The following CECR2 variants were observed in gnomAD, a reference collection of about 807,000 sequenced individuals.
CECR2 encodes the protein chromatin remodeling regulator CECR2.
In CECR2, 30 loss-of-function variants were observed where a neutral mutation model predicts 154.5. The ratio of observed to expected loss-of-function variants is 0.19; its 90% CI spans 0.15 to 0.26. The LOEUF is 0.26. Ranked by LOEUF, CECR2 falls within the 10% of genes least tolerant of loss-of-function variation. CECR2 has a pLI of 1.00. For missense variants in CECR2, 1,743 were observed against 1,829.3 expected (o/e 0.95, Z 0.86); for synonymous variants, 725 against 683.7 (o/e 1.06, Z -0.94).
chr22:17,465,293 G>A (rs1381825619), intron 1 of CECR2, among the ~76,000 whole-genome samples: 1 of 151,800 alleles, frequency 6.6e-6, no homozygotes, highest in Non-Finnish European at 1.5e-5. Flanking sequence ...ACTGCACCTG[G>A]CCAAATATTT....
chr22:17,442,054 T>G (rs563356142), intron 1 of CECR2, among the ~76,000 whole-genome samples: 45 of 152,344 alleles, frequency 3.0e-4, no homozygotes, highest in African/African-American at 1.0e-3. Flanking sequence ...AACTCTGGTC[T>G]CTTTGAAATT....
At chr22:17,477,474 T>C in intron 1 of CECR2, 114 bp from the exon 2 acceptor site, 3 of 720,290 alleles carry the variant, frequency 4.2e-6, no homozygotes, top group Admixed American at 2.1e-5. Context: ...CTCTGGCAAG[T>C]CCTTCCGCTG....
chr22:17,479,864 T>C (rs1195632450), intron 2 of CECR2, among the ~76,000 whole-genome samples: 2 of 150,066 alleles, frequency 1.3e-5, no homozygotes, highest in African/African-American at 4.9e-5. Flanking sequence ...ACCTGGGCTC[T>C]AGCAGTCTTC....
Position 17,495,059 on chromosome 22 carries a change from C to T in CECR2, c.222-2344C>T, listed in dbSNP as rs894097641. 2.6e-5 allele frequency among the ~76,000 whole-genome samples: 4 copies of T among 152,304 alleles called. No individual in the cohort carries two copies. In the East Asian group the frequency reaches 5.8e-4, roughly 22 times the overall value. Reference sequence around the variant, plus strand: ...TCCACAAATATTTCCTTTCACTTTGCTGCAAATATAACTACCATAGATTAT... The same window carrying T: ...TCCACAAATATTTCCTTTCACTTTGTTGCAAATATAACTACCATAGATTAT... On this transcript the variant is annotated intron_variant, in intron 2 of 18. Transcript: ENST00000262608.
chr22:17,397,600 C>A (rs187194525), intron 1 of CECR2, among the ~76,000 whole-genome samples: 46 of 151,868 alleles, frequency 3.0e-4, no homozygotes, highest in African/African-American at 1.1e-3. Flanking sequence ...CGGGTTCACC[C>A]CATTCTCCTG....
intron 7 of CECR2, among the ~76,000 whole-genome samples, chr22:17,510,469 A>AAC (rs201328513): frequency 7.1e-6 from 1 of 141,482 alleles, no homozygotes; most frequent in South Asian, 2.6e-4. Flanking sequence ...GAACCTATGA[A>AAC]AAAAAAAAAG....
intron 1 of CECR2, among the ~76,000 whole-genome samples, chr22:17,396,447 G>A (rs1188981437): frequency 6.6e-6 from 1 of 152,212 alleles, no homozygotes; most frequent in Non-Finnish European, 1.5e-5. Context: ...TTGGGAGGCT[G>A]AGGCAGGGAG....
chr22:17,548,695 T>C lies in CECR2; in HGVS notation c.3408T>C (p.Ser1136=). ...YPNSAAHYHI[S]PGLQGVGPVM... is the part of the protein sequence containing the mutation. ...ATTCAGCTGCCCATTACCACATCAGTCCAGGCCTGCAGGGTGTGGGCCCTG... is the reference window on the plus strand; with the variant it reads ...ATTCAGCTGCCCATTACCACATCAGCCCAGGCCTGCAGGGTGTGGGCCCTG... The change falls in exon 17 of 19, where the codon AGT becomes AGC. Residue 1136 remains serine (S), a synonymous_variant. Transcript: ENST00000262608. 6.2e-7 allele frequency: 1 copy of C among 1,613,490 alleles called. No individual in the cohort carries two copies. The highest frequency in any genetic ancestry group is 8.5e-7 in the Non-Finnish European group (1 of 1,179,738).
At chr22:17,496,877 G>T (rs532706382) in intron 2 of CECR2, among the ~76,000 whole-genome samples, 2 of 152,214 alleles carry the variant, frequency 1.3e-5, no homozygotes, top group South Asian at 4.1e-4. Context: ...CCTATTCTGT[G>T]AAAAACCCTC....
At chr22:17,447,238 C>T (rs1032106746) in intron 1 of CECR2, among the ~76,000 whole-genome samples, 1 of 151,238 alleles carries the variant, frequency 6.6e-6, no homozygotes, top group Admixed American at 6.6e-5. Flanking sequence ...CTGCAAGCTC[C>T]GCCTCCTGGG....
upstream of CECR2, among the ~76,000 whole-genome samples, chr22:17,365,838 C>T (rs888308872): frequency 2.7e-5 from 4 of 148,812 alleles, no homozygotes; most frequent in Non-Finnish European, 1.5e-5. Context: ...GCAGCCTGGA[C>T]AACAAAGGGA....
Position 17,548,907 on chromosome 22 carries a change from A to C in CECR2, c.3620A>C (p.Gln1207Pro). The change falls in exon 17 of 19, where the codon CAG becomes CCG. Residue 1207 changes from glutamine to proline, a missense_variant. Gln to Pro is a moderately conservative substitution (Grantham distance 76). This residue lies in a region of CECR2 where 1,250 missense variants were observed against 1,192.1 expected (regional missense o/e 1.05). Transcript: ENST00000262608. ...CGAACTCCTTACTATGCCTGTCCAC[A>C]GAGCTTTTCTGACTGGCAGAGACCT... ...YQRTPYYACPQSFSDWQRPLH... is the reference protein window; with the variant it reads ...YQRTPYYACPPSFSDWQRPLH... 1 of 1,613,380 alleles carries C rather than the reference A, an allele frequency of 6.2e-7. No individual in the cohort carries two copies. The highest frequency in any genetic ancestry group is 8.5e-7 in the Non-Finnish European group (1 of 1,179,528).
At chr22:17,525,347 A>G (rs1475575098) in intron 9 of CECR2, among the ~76,000 whole-genome samples, 1 of 149,362 alleles carries the variant, frequency 6.7e-6, no homozygotes, top group African/African-American at 2.5e-5. Flanking sequence ...AAGAAAAGAA[A>G]GAAAGAAATG....
intron 1 of CECR2, among the ~76,000 whole-genome samples, chr22:17,389,960 T>A (rs1221304055): frequency 7.2e-5 from 11 of 152,196 alleles, no homozygotes; most frequent in Non-Finnish European, 1.6e-4. Flanking sequence ...AGTACAATTA[T>A]TAAAATCAGG....
At chr22:17,388,588 G>T (rs1340539845) in intron 1 of CECR2, among the ~76,000 whole-genome samples, 5 of 152,204 alleles carry the variant, frequency 3.3e-5, no homozygotes, top group Non-Finnish European at 5.9e-5. Context: ...GGGAAGGTGG[G>T]TGAGATTAAA....
intron 1 of CECR2, among the ~76,000 whole-genome samples, chr22:17,453,142 G>C (rs968205765): frequency 2.6e-5 from 4 of 152,052 alleles, no homozygotes; most frequent in African/African-American, 9.7e-5. Flanking sequence ...TTTCGTGCAG[G>C]CTATAAAAAT....
intron 1 of CECR2, among the ~76,000 whole-genome samples, chr22:17,446,401 G>A (rs1408203612): frequency 2.6e-5 from 4 of 152,144 alleles, no homozygotes; most frequent in Non-Finnish European, 4.4e-5. Flanking sequence ...GGAACTTAGC[G>A]GTGAGTGTTA....
At chr22:17,376,694 A>G (rs2063123198) in intron 1 of CECR2, among the ~76,000 whole-genome samples, 1 of 149,736 alleles carries the variant, frequency 6.7e-6, no homozygotes, top group Non-Finnish European at 1.5e-5. Context: ...GCTGGAGTGC[A>G]GTGGCGTGAT....
intron 1 of CECR2, among the ~76,000 whole-genome samples, chr22:17,458,154 C>G (rs143294905): frequency 0.012 from 1,778 of 152,226 alleles, 29 homozygotes; most frequent in African/African-American, 0.039. Context: ...CAGTGGCTTA[C>G]ACCTGTAATC....
Sources: allele counts gnomAD v4.1 joint callset (sites outside exome capture counted in the v4.1 genomes callset), GRCh38; gene constraint gnomAD v4.1.1; regional missense constraint gnomAD v4.1.1; transcripts MANE v1.5; gene names NCBI Gene and HGNC (gene_info 2026-07-23, HGNC 2026-07-21).